Variants in IL1RAPL1 observed in about 807,000 individuals in gnomAD.
IL1RAPL1 encodes the protein interleukin-1 receptor accessory protein-like 1.
A neutral mutation model predicts 48.4 loss-of-function variants in IL1RAPL1; 3 were observed. That is an observed-to-expected ratio of 0.06 (90% CI 0.03 to 0.16). IL1RAPL1 has a LOEUF of 0.16. IL1RAPL1 is among the 10% of genes least tolerant of loss of function. The probability of loss-of-function intolerance (pLI) is 1.00; values close to 1 mark genes in which losing one functional copy is unlikely to be tolerated. For missense variants in IL1RAPL1, 349 were observed against 530.6 expected (o/e 0.66, Z 3.36); for synonymous variants, 185 against 187.7 (o/e 0.99, Z 0.12).
chrX:29,124,398 T>A (rs1296624254), intron 2 of IL1RAPL1, among the ~76,000 whole-genome samples: 1 of 112,352 alleles, frequency 8.9e-6, no homozygotes, highest in Admixed American at 9.5e-5. Context: ...ATATTAGGAT[T>A]CCCTATGGAA....
intron 5 of IL1RAPL1, among the ~76,000 whole-genome samples, chrX:29,411,504 T>G (rs192799832): frequency 1.8e-5 from 2 of 111,686 alleles, no homozygotes; most frequent in African/African-American, 3.2e-5. Flanking sequence ...TCACTGATTT[T>G]CTTTGACAGC....
At chrX:29,097,336 A>C (rs2147460944) in intron 2 of IL1RAPL1, among the ~76,000 whole-genome samples, 1 of 111,848 alleles carries the variant, frequency 8.9e-6, no homozygotes, top group African/African-American at 3.2e-5. Context: ...ACGCTGATAG[A>C]GATTTTAGAT....
chrX:29,783,195 C>T (rs929578274), intron 6 of IL1RAPL1, among the ~76,000 whole-genome samples: 4 of 110,503 alleles, frequency 3.6e-5, no homozygotes, highest in African/African-American at 1.3e-4. Flanking sequence ...TGAGCCACCG[C>T]GCCCGGCCGA....
intron 6 of IL1RAPL1, among the ~76,000 whole-genome samples, chrX:29,712,088 TTTC>T (rs1462083260): frequency 1.1e-5 from 1 of 90,454 alleles, no homozygotes; most frequent in Non-Finnish European, 2.3e-5. Flanking sequence ...GATTCCAAAT[TTTC>T]TTCTTTTTTT....
chrX:29,032,278 T>C (rs745557503), intron 2 of IL1RAPL1, among the ~76,000 whole-genome samples: 1 of 112,187 alleles, frequency 8.9e-6, no homozygotes, highest in African/African-American at 3.2e-5. Flanking sequence ...TAACCCTCTA[T>C]GTTGGTGATT....
intron 3 of IL1RAPL1, among the ~76,000 whole-genome samples, chrX:29,319,532 A>ATGTG (rs1932788448): frequency 1.4e-5 from 1 of 72,355 alleles, no homozygotes; most frequent in Admixed American, 1.6e-4. Context: ...GTATGTATGT[A>ATGTG]TGTATGTATG....
rs1054696066 is a variant in IL1RAPL1, at chrX:29,014,441, C to G, written c.82+225016C>G. On this transcript the variant is annotated intron_variant, in intron 2 of 10. Coordinates refer to ENST00000378993, the MANE Select transcript of IL1RAPL1 (RefSeq NM_014271.4). The stretch of plus-strand genomic sequence containing the variant: ...ACATGTATATTTGTGTATATATACT[C>G]TTAACCCCCACATGTACATCCATGC... 6.3e-5 allele frequency among the ~76,000 whole-genome samples: 7 copies of G among 111,362 alleles called. No homozygotes were observed. The South Asian group carries it at 1.5e-3, about 24-fold the overall frequency.
At chrX:28,794,227 G>A (rs757825138) in intron 2 of IL1RAPL1, among the ~76,000 whole-genome samples, 10 of 111,120 alleles carry the variant, frequency 9.0e-5, no homozygotes, top group African/African-American at 3.3e-4. Context: ...TTACAAATGG[G>A]GAGTGTTTTC....
chrX:29,730,795 A>T (rs1389214961), intron 6 of IL1RAPL1, among the ~76,000 whole-genome samples: 1 of 111,543 alleles, frequency 9.0e-6, no homozygotes, highest in East Asian at 2.8e-4. Context: ...TCATTTTTCT[A>T]TTAGGAGATT....
At chrX:29,242,457 T>A (rs141567327) in intron 2 of IL1RAPL1, among the ~76,000 whole-genome samples, 1,211 of 112,213 alleles carry the variant, frequency 0.011, 22 homozygotes, top group African/African-American at 0.038. Flanking sequence ...ACTACCAGGT[T>A]GGACCTCAAT....
At chrX:28,934,312 G>T (rs967296663) in intron 2 of IL1RAPL1, among the ~76,000 whole-genome samples, 3 of 111,314 alleles carry the variant, frequency 2.7e-5, no homozygotes, top group Non-Finnish European at 5.6e-5. Context: ...AAATCTGCTT[G>T]GTTGTTAGTG....
chrX:28,959,913 A>G (rs1924722306), intron 2 of IL1RAPL1, among the ~76,000 whole-genome samples: 1 of 112,106 alleles, frequency 8.9e-6, no homozygotes, highest in Non-Finnish European at 1.9e-5. Context: ...TATTTAATAA[A>G]TGAAATGTGC....
intron 6 of IL1RAPL1, among the ~76,000 whole-genome samples, chrX:29,674,106 G>A (rs772007516): frequency 2.7e-5 from 3 of 111,358 alleles, no homozygotes; most frequent in Non-Finnish European, 5.6e-5. Context: ...TGCTATCTAC[G>A]TAGAAGTTGA....
chrX:28,617,271 C>T (rs1934231323), intron 1 of IL1RAPL1, among the ~76,000 whole-genome samples: 1 of 111,367 alleles, frequency 9.0e-6, no homozygotes, highest in Admixed American at 9.5e-5. Flanking sequence ...CCTTCCCACC[C>T]CCATGCCATT....
chrX:29,214,106 T>C (rs1437867064), intron 2 of IL1RAPL1, among the ~76,000 whole-genome samples: 1 of 111,009 alleles, frequency 9.0e-6, no homozygotes, highest in Non-Finnish European at 1.9e-5. Flanking sequence ...TTGTGCAAAC[T>C]AAAAAGATTA....
At chrX:28,994,959 T>C (rs1378248079) in intron 2 of IL1RAPL1, among the ~76,000 whole-genome samples, 3 of 111,686 alleles carry the variant, frequency 2.7e-5, no homozygotes, top group Non-Finnish European at 5.6e-5. Flanking sequence ...CTAGTTCATG[T>C]TATTATGTGG....
At chrX:29,433,335 A>G (rs2147713647) in intron 5 of IL1RAPL1, among the ~76,000 whole-genome samples, 1 of 111,307 alleles carries the variant, frequency 9.0e-6, no homozygotes, top group South Asian at 3.7e-4. Flanking sequence ...TAATAACAAT[A>G]TGGAAATGTT....
At chrX:29,149,182 C>A (rs1368896937) in intron 2 of IL1RAPL1, among the ~76,000 whole-genome samples, 1 of 110,433 alleles carries the variant, frequency 9.1e-6, no homozygotes, top group Non-Finnish European at 1.9e-5. Flanking sequence ...TTAATTCAGT[C>A]GTGCTAAGCA....
At chrX:28,831,028 G>T (rs2625020) in intron 2 of IL1RAPL1, among the ~76,000 whole-genome samples, 1 of 21,639 alleles carries the variant, frequency 4.6e-5, no homozygotes, top group Non-Finnish European at 7.2e-5. Flanking sequence ...CTCTCTCTCT[G>T]TGTGTGTGTG....
Sources: allele counts gnomAD v4.1 joint callset (sites outside exome capture counted in the v4.1 genomes callset), GRCh38; gene constraint gnomAD v4.1.1; transcripts MANE v1.5; gene names NCBI Gene and HGNC (gene_info 2026-07-23, HGNC 2026-07-21).